The following MAN1A2 variants were observed in gnomAD, a reference collection of about 807,000 sequenced individuals.
The protein encoded by MAN1A2 is mannosidase alpha class 1A member 2.
Under a neutral mutation model 75.7 loss-of-function variants are expected in MAN1A2, and 26 were observed. That is an observed-to-expected ratio of 0.34 (90% CI 0.25 to 0.48). MAN1A2 has a LOEUF of 0.48. Among genes scored for constraint, MAN1A2 ranks in the 20% least tolerant of loss-of-function variants. The probability of loss-of-function intolerance (pLI) is 0.99; values close to 1 mark genes in which losing one functional copy is unlikely to be tolerated. For missense variants in MAN1A2, 562 were observed against 775.5 expected, an observed-to-expected ratio of 0.72 and a Z score of 3.27; for synonymous variants, 247 against 264.6, an observed-to-expected ratio of 0.93 and a Z score of 0.65.
chr1:117,429,570 C>T (rs1648518050), intron 5 of MAN1A2, among the ~76,000 whole-genome samples: 1 of 102,742 alleles, frequency 9.7e-6, no homozygotes, highest in Admixed American at 8.7e-5. Flanking sequence ...GGCGGCTGGC[C>T]GGGCGGGGGG....
chr1:117,510,071 G>T (rs558187477), intron 12 of MAN1A2, among the ~76,000 whole-genome samples: 13 of 151,846 alleles, frequency 8.6e-5, no homozygotes, highest in African/African-American at 2.9e-4. Flanking sequence ...ATCCACTGAG[G>T]AATGTTTTAT....
intron 1 of MAN1A2, among the ~76,000 whole-genome samples, chr1:117,384,340 T>C (rs1653450500): frequency 6.6e-6 from 1 of 152,206 alleles, no homozygotes; most frequent in African/African-American, 2.4e-5. Context: ...TATTTTCTAA[T>C]TTCCCATGTG....
At chr1:117,399,007 C>T (rs1647320583) in intron 1 of MAN1A2, among the ~76,000 whole-genome samples, 1 of 152,056 alleles carries the variant, frequency 6.6e-6, no homozygotes, top group African/African-American at 2.4e-5. Flanking sequence ...ATGGTAGCCT[C>T]CTTATTGTGG....
rs758984275 is a variant in MAN1A2 at position 117,499,461 on chromosome 1, T to C, written c.1584T>C (p.Tyr528=). Reference sequence around the variant, plus strand: ...CTGTCCGGCAGGCTGAAAAGTATTATATCCTCCGTCCAGAAGTAATTGAAA... The same window carrying C: ...CTGTCCGGCAGGCTGAAAAGTATTACATCCTCCGTCCAGAAGTAATTGAAA... ...AVAVRQAEKY[Y]ILRPEVIETY... The change falls in exon 11 of 13, where the codon TAT becomes TAC. Residue 528 remains tyrosine, a synonymous_variant. Coordinates refer to ENST00000356554, the MANE Select transcript of MAN1A2 (RefSeq NM_006699.5). 1.1e-5 allele frequency: 18 copies of C among 1,608,554 alleles called. No individual in the cohort carries two copies. The East Asian group carries it at 3.6e-4, about 32-fold the overall frequency.
At chr1:117,373,450 AC>A (rs1653038001) in intron 1 of MAN1A2, among the ~76,000 whole-genome samples, 1 of 150,252 alleles carries the variant, frequency 6.7e-6, no homozygotes, top group Admixed American at 6.6e-5. Flanking sequence ...ACGTTTGTCA[AC>A]AACAGACTGG....
At chr1:117,487,119 C>T (rs944828191) in intron 8 of MAN1A2, among the ~76,000 whole-genome samples, 40 of 151,802 alleles carry the variant, frequency 2.6e-4, no homozygotes, top group Admixed American at 1.3e-4. Context: ...ATTTGATACC[C>T]GTATGAAATA....
intron 4 of MAN1A2, among the ~76,000 whole-genome samples, chr1:117,419,965 T>A (rs543010491): frequency 2.0e-5 from 3 of 152,166 alleles, no homozygotes; most frequent in Non-Finnish European, 4.4e-5. Context: ...ACTTTAAAAA[T>A]TTTTTTAAAC....
At chr1:117,392,349 A>T (rs1414207339) in intron 1 of MAN1A2, among the ~76,000 whole-genome samples, 3 of 151,630 alleles carry the variant, frequency 2.0e-5, no homozygotes, top group Non-Finnish European at 4.4e-5. Flanking sequence ...TATTCTTTTA[A>T]TTTTTATTTG....
intron 8 of MAN1A2, among the ~76,000 whole-genome samples, chr1:117,486,839 A>G (rs1650720003): frequency 6.6e-6 from 1 of 152,024 alleles, no homozygotes; most frequent in Admixed American, 6.6e-5. Flanking sequence ...GCTGAAAGAT[A>G]CTGATCTTTA....
chr1:117,487,359 C>T (rs370525075), intron 8 of MAN1A2, among the ~76,000 whole-genome samples: 3 of 151,736 alleles, frequency 2.0e-5, no homozygotes, highest in Admixed American at 6.6e-5. Context: ...AGGTCTCTAG[C>T]GGAGTAAGGA....
intron 6 of MAN1A2, among the ~76,000 whole-genome samples, chr1:117,452,174 G>C (rs1649441012): frequency 6.6e-6 from 1 of 151,990 alleles, no homozygotes; most frequent in Non-Finnish European, 1.5e-5. Flanking sequence ...GGGCATGGTG[G>C]TGCATGCCTG....
At chr1:117,487,889 GT>G (rs1168192984) in intron 8 of MAN1A2, among the ~76,000 whole-genome samples, 1 of 151,998 alleles carries the variant, frequency 6.6e-6, no homozygotes. Context: ...ATTATAAAAT[GT>G]GTCAATTTGT....
rs1890626 is a variant in MAN1A2, at chr1:117,405,130, G to A, written c.559-419G>A. 1.5e-4 allele frequency among the ~76,000 whole-genome samples: 23 copies of A among 152,260 alleles called. 2 individuals are homozygous for A. Among genetic ancestry groups the A allele is most frequent in the Admixed American group, 1.2e-3 (18 of 15,286 alleles). On this transcript the variant is annotated intron_variant, in intron 2 of 12. Coordinates refer to ENST00000356554, the MANE Select transcript of MAN1A2 (RefSeq NM_006699.5). Reference sequence around the variant, plus strand: ...AGATATTATCTGGGACTGCTTTTATGCTGTAACAGCAGAGTTAGTTTGTTG... The same window carrying A: ...AGATATTATCTGGGACTGCTTTTATACTGTAACAGCAGAGTTAGTTTGTTG...
At chr1:117,391,955 A>G (rs961737498) in intron 1 of MAN1A2, among the ~76,000 whole-genome samples, 1 of 152,054 alleles carries the variant, frequency 6.6e-6, no homozygotes, top group Non-Finnish European at 1.5e-5. Flanking sequence ...GGTCTCTTAT[A>G]TTGGTCCTTC....
chr1:117,458,523 A>ATATTTTTTTTTTTTTT (rs1553236643), intron 6 of MAN1A2, among the ~76,000 whole-genome samples: 4 of 105,598 alleles, frequency 3.8e-5, no homozygotes, highest in Non-Finnish European at 8.0e-5. Context: ...ATATATATAT[A>ATATTTTTTTTTTTTTT]TTTTTTTTTT....
At chr1:117,506,533 A>T (rs932853516) in intron 12 of MAN1A2, among the ~76,000 whole-genome samples, 2 of 151,762 alleles carry the variant, frequency 1.3e-5, no homozygotes, top group South Asian at 2.1e-4. Context: ...CTATGTAATG[A>T]GGAAGGTCAG....
At chr1:117,498,947 T>C (rs1252977523) in intron 10 of MAN1A2, among the ~76,000 whole-genome samples, 1 of 151,840 alleles carries the variant, frequency 6.6e-6, no homozygotes, top group African/African-American at 2.4e-5. Flanking sequence ...CTAAAATGTT[T>C]CCTTATATGT....
chr1:117,382,899 A>G (rs983031365), intron 1 of MAN1A2, among the ~76,000 whole-genome samples: 2 of 152,206 alleles, frequency 1.3e-5, no homozygotes, highest in Non-Finnish European at 2.9e-5. Flanking sequence ...ACAATTTGCT[A>G]AATTGACTTA....
rs114292305 is a variant in MAN1A2 at position 117,368,702 on chromosome 1, A to G, written c.302+217A>G. Among the ~76,000 whole-genome samples, 696 of 152,084 alleles carry G rather than the reference A, an allele frequency of 4.6e-3. 7 individuals carry two copies. Among genetic ancestry groups the G allele is most frequent in the African/African-American group, 0.016 (662 of 41,484 alleles). ...CATAGACTGGTAGGACTGGAGTCCT[A>G]CCTAAGTCGTTCTTCTCTTCGGTTT... is the stretch of plus-strand genomic sequence containing the variant. On this transcript the variant is annotated intron_variant, in intron 1 of 12. Coordinates refer to ENST00000356554, the MANE Select transcript of MAN1A2 (RefSeq NM_006699.5).
Sources: allele counts gnomAD v4.1 joint callset (sites outside exome capture counted in the v4.1 genomes callset), GRCh38; gene constraint gnomAD v4.1.1; transcripts MANE v1.5; gene names NCBI Gene and HGNC (gene_info 2026-07-23, HGNC 2026-07-21).